Variants in NAV2 observed in about 807,000 individuals in gnomAD.
The protein encoded by NAV2 is helicase, APC down-regulated 1.
NAV2 carries 54 observed loss-of-function variants against 223.2 expected under a neutral mutation model. That is an observed-to-expected ratio of 0.24 (90% CI 0.19 to 0.30). The LOEUF (loss-of-function observed/expected upper bound fraction) is 0.30. Among genes scored for constraint, NAV2 ranks in the 10% least tolerant of loss-of-function variants. The pLI is 1.00. For missense variants in NAV2, 2,806 were observed against 3,147.5 expected (o/e 0.89, Z 2.60); for synonymous variants, 1,279 against 1,239.3 (o/e 1.03, Z -0.67).
chr11:20,014,421 G>A (rs1486307760), intron 11 of NAV2, among the ~76,000 whole-genome samples: 4 of 152,172 alleles, frequency 2.6e-5, no homozygotes, highest in African/African-American at 7.2e-5. Context: ...GATCCTCAAA[G>A]CCCATCATGT....
intron 11 of NAV2, chr11:20,027,305 C>T: frequency 3.2e-6 from 3 of 935,486 alleles, no homozygotes; most frequent in Non-Finnish European, 1.2e-6. Flanking sequence ...CCGCTCGGGC[C>T]CCGGGGTTTC....
chr11:20,068,421 A>G (rs1241165026), intron 22 of NAV2, 23 bp downstream of exon 22: 2 of 1,591,154 alleles, frequency 1.3e-6, no homozygotes, highest in East Asian at 4.5e-5. Flanking sequence ...ATAGGGCAGT[A>G]GCATCGGGAC....
chr11:19,774,535 GCAT>G (rs2055983270), intron 1 of NAV2, among the ~76,000 whole-genome samples: 1 of 152,144 alleles, frequency 6.6e-6, no homozygotes, highest in Non-Finnish European at 1.5e-5. Context: ...AGCACCTGTT[GCAT>G]TACATTGCAA....
chr11:19,836,121 G>A (rs2060213543), intron 2 of NAV2, among the ~76,000 whole-genome samples: 1 of 152,318 alleles, frequency 6.6e-6, no homozygotes, highest in South Asian at 2.1e-4. Context: ...GGGTTGGATT[G>A]TTTCCAATAG....
chr11:19,652,760 T>C (rs147288463), intron 1 of NAV2, among the ~76,000 whole-genome samples: 3 of 152,374 alleles, frequency 2.0e-5, no homozygotes, highest in African/African-American at 7.2e-5. Context: ...CACAAATGAC[T>C]ACCAAGCTTT....
chr11:19,486,024 C>A (rs1217568956), intron 1 of NAV2, among the ~76,000 whole-genome samples: 1 of 152,138 alleles, frequency 6.6e-6, no homozygotes, highest in Non-Finnish European at 1.5e-5. Flanking sequence ...TTGGCACTGC[C>A]CTTGAGGTTT....
chr11:19,434,726 A>G (rs2133631137), intron 1 of NAV2, among the ~76,000 whole-genome samples: 1 of 152,348 alleles, frequency 6.6e-6, no homozygotes. Flanking sequence ...GCTTTGTTAT[A>G]AATGAGACTT....
At chr11:20,062,971 G>A (rs1328474433) in intron 20 of NAV2, among the ~76,000 whole-genome samples, 16 of 152,212 alleles carry the variant, frequency 1.1e-4, no homozygotes, top group Admixed American at 1.0e-3. Flanking sequence ...GGCATTACAG[G>A]CGTGAGCCAT....
chr11:20,096,479 TG>T (rs1002232074), intron 30 of NAV2, among the ~76,000 whole-genome samples: 69 of 152,340 alleles, frequency 4.5e-4, no homozygotes, highest in African/African-American at 1.5e-3. Flanking sequence ...CCACGTTTTT[TG>T]TGCCAGACAC....
intron 3 of NAV2, among the ~76,000 whole-genome samples, chr11:19,867,511 A>G (rs368102994): frequency 4.6e-5 from 7 of 152,256 alleles, no homozygotes; most frequent in African/African-American, 1.4e-4. Context: ...CCTTTCCTCC[A>G]TGTGTATAAG....
At chr11:19,730,430 T>G (rs1227385643) in intron 1 of NAV2, among the ~76,000 whole-genome samples, 1 of 152,194 alleles carries the variant, frequency 6.6e-6, no homozygotes, top group Non-Finnish European at 1.5e-5. Context: ...AGCCCCTGAA[T>G]GGACCCATTG....
At chr11:19,525,757 A>C (rs563289219) in intron 1 of NAV2, among the ~76,000 whole-genome samples, 1 of 152,276 alleles carries the variant, frequency 6.6e-6, no homozygotes, top group South Asian at 2.1e-4. Context: ...TTTCTTATCT[A>C]GGAGACAAAA....
At chr11:19,673,044 G>T (rs1001846916) in intron 1 of NAV2, among the ~76,000 whole-genome samples, 5 of 152,210 alleles carry the variant, frequency 3.3e-5, no homozygotes, top group African/African-American at 1.2e-4. Context: ...AATAGCCATT[G>T]CCCAAGAGCT....
chr11:19,912,385 C>T (rs994733005), intron 6 of NAV2, among the ~76,000 whole-genome samples: 1 of 152,164 alleles, frequency 6.6e-6, no homozygotes, highest in Admixed American at 6.5e-5. Context: ...CACATTTGGA[C>T]TTTAATGTCT....
At chr11:19,661,010 T>G (rs576892489) in intron 1 of NAV2, among the ~76,000 whole-genome samples, 6 of 152,302 alleles carry the variant, frequency 3.9e-5, no homozygotes, top group African/African-American at 1.4e-4. Flanking sequence ...ACATTCACAT[T>G]GTCGTGCAAC....
chr11:19,843,066 C>T (rs913284290), intron 3 of NAV2, 143 bp downstream of exon 3: 7 of 673,220 alleles, frequency 1.0e-5, no homozygotes, highest in Non-Finnish European at 1.5e-5. Context: ...TTCCAAGTAG[C>T]TGTGTTCTGC....
chr11:19,750,021 A>T (rs1370946696), intron 1 of NAV2, among the ~76,000 whole-genome samples: 1 of 152,226 alleles, frequency 6.6e-6, no homozygotes, highest in Non-Finnish European at 1.5e-5. Context: ...TCTAATGAGG[A>T]CATTGGAAGC....
intron 1 of NAV2, among the ~76,000 whole-genome samples, chr11:19,723,956 C>T (rs919321916): frequency 2.0e-5 from 3 of 152,194 alleles, no homozygotes; most frequent in East Asian, 1.9e-4. Flanking sequence ...AAGCTTTGAT[C>T]GTTAGAAGAC....
intron 19 of NAV2, among the ~76,000 whole-genome samples, chr11:20,060,504 C>A (rs114426861): frequency 6.6e-6 from 1 of 152,224 alleles, no homozygotes; most frequent in African/African-American, 2.4e-5. Flanking sequence ...GAAGAAAGCA[C>A]GGAGGAAAAG....
Sources: gnomAD v4.1 joint callset for allele counts (sites outside exome capture counted in the v4.1 genomes callset) on GRCh38, gnomAD v4.1.1 for gene constraint, MANE v1.5 for transcripts, NCBI Gene and HGNC (gene_info 2026-07-23, HGNC 2026-07-21) for gene names.